Variants in CACNA2D3 observed in about 807,000 individuals in gnomAD.
CACNA2D3 encodes calcium voltage-gated channel auxiliary subunit alpha2delta 3.
A neutral mutation model predicts 160.6 loss-of-function variants in CACNA2D3; 60 were observed. The observed-to-expected ratio is 0.37, with a 90% CI of 0.30 to 0.46. CACNA2D3 has a LOEUF of 0.46. Ranked by LOEUF, CACNA2D3 falls within the 20% of genes least tolerant of loss-of-function variation. CACNA2D3 has a pLI of 1.00. For synonymous variants in CACNA2D3, 558 were observed against 492.9 expected (o/e 1.13, Z -1.75); for missense variants, 1,205 against 1,365.0 (o/e 0.88, Z 1.85).
chr3:54,287,530 T>C (rs1448790141), intron 2 of CACNA2D3, among the ~76,000 whole-genome samples: 20 of 148,480 alleles, frequency 1.3e-4, no homozygotes, highest in East Asian at 4.0e-4. Context: ...GACAGAAAGT[T>C]AACAAGGATA....
At chr3:54,627,330 G>T (rs1234918588) in intron 9 of CACNA2D3, among the ~76,000 whole-genome samples, 1 of 152,200 alleles carries the variant, frequency 6.6e-6, no homozygotes, top group Non-Finnish European at 1.5e-5. Flanking sequence ...ACGTCATGCG[G>T]TGGGAAGAGG....
chr3:54,644,425 C>A (rs1699592050), intron 11 of CACNA2D3, among the ~76,000 whole-genome samples: 1 of 152,188 alleles, frequency 6.6e-6, no homozygotes, highest in African/African-American at 2.4e-5. Flanking sequence ...CATATACATT[C>A]TCTTCTTTAT....
At chr3:54,469,965 T>A (rs1700700340) in intron 4 of CACNA2D3, among the ~76,000 whole-genome samples, 1 of 152,130 alleles carries the variant, frequency 6.6e-6, no homozygotes, top group Non-Finnish European at 1.5e-5. Flanking sequence ...CTGATGTACC[T>A]GAAAGTGATG....
At chr3:54,558,492 A>AT (rs1491552956) in intron 5 of CACNA2D3, among the ~76,000 whole-genome samples, 6 of 151,866 alleles carry the variant, frequency 4.0e-5, no homozygotes, top group African/African-American at 1.5e-4. Context: ...TGCATGTCAC[A>AT]TGTGTACAGA....
At chr3:54,123,310 C>G (rs1396025851) in intron 1 of CACNA2D3, among the ~76,000 whole-genome samples, 1 of 151,902 alleles carries the variant, frequency 6.6e-6, no homozygotes, top group Non-Finnish European at 1.5e-5. Context: ...TCCGCGACCC[C>G]CCTCGGGCCC....
chr3:54,659,754 A>G (rs1391049413), intron 11 of CACNA2D3, among the ~76,000 whole-genome samples: 1 of 152,212 alleles, frequency 6.6e-6, no homozygotes, highest in Non-Finnish European at 1.5e-5. Flanking sequence ...TACGTAAAGC[A>G]GTGGTGATGA....
At chr3:55,016,847 C>T (rs770118983) in intron 34 of CACNA2D3, among the ~76,000 whole-genome samples, 1 of 152,162 alleles carries the variant, frequency 6.6e-6, no homozygotes, top group Non-Finnish European at 1.5e-5. Flanking sequence ...GAAAAGCCTA[C>T]ATATAAGAAA....
Position 54,982,853 on chromosome 3 carries a change from G to A in CACNA2D3, c.2557-1755G>A, listed in dbSNP as rs73067767. Among the ~76,000 whole-genome samples, 1,070 of 152,098 alleles carry A rather than the reference G, an allele frequency of 7.0e-3. 11 individuals carry two copies. The highest frequency in any genetic ancestry group is 8.8e-3 in the Non-Finnish European group (598 of 68,004). On this transcript the variant is annotated intron_variant, in intron 29 of 37. Coordinates refer to ENST00000474759, the MANE Select transcript of CACNA2D3 (RefSeq NM_018398.3). ...TTGGTGGGAGTATAGCAGTGAAGACGACCAGAGGTCACACTCATCGCCACT... is the reference window on the plus strand; with the variant it reads ...TTGGTGGGAGTATAGCAGTGAAGACAACCAGAGGTCACACTCATCGCCACT...
intron 3 of CACNA2D3, among the ~76,000 whole-genome samples, chr3:54,351,908 C>G (rs376362565): frequency 6.6e-6 from 1 of 151,490 alleles, no homozygotes; most frequent in East Asian, 1.9e-4. Context: ...TCAGATTCAT[C>G]TAAACCCATG....
intron 11 of CACNA2D3, among the ~76,000 whole-genome samples, chr3:54,715,965 G>A (rs545268208): frequency 3.2e-4 from 48 of 151,898 alleles, no homozygotes; most frequent in Non-Finnish European, 5.7e-4. Flanking sequence ...ATAAGTTCTG[G>A]GTATCTAATA....
At chr3:55,050,101 A>G (rs1704160783) in intron 35 of CACNA2D3, among the ~76,000 whole-genome samples, 1 of 151,752 alleles carries the variant, frequency 6.6e-6, no homozygotes, top group South Asian at 2.1e-4. Context: ...TAGTCCATTT[A>G]CATTTAAAGT....
chr3:54,166,850 G>T (rs1024130052), intron 2 of CACNA2D3, among the ~76,000 whole-genome samples: 1 of 152,140 alleles, frequency 6.6e-6, no homozygotes, highest in Admixed American at 6.5e-5. Context: ...GAAAAATTAT[G>T]ATGTATTTTT....
intron 2 of CACNA2D3, among the ~76,000 whole-genome samples, chr3:54,159,737 G>T (rs1327651053): frequency 1.3e-5 from 2 of 152,038 alleles, no homozygotes; most frequent in African/African-American, 4.8e-5. Flanking sequence ...TTGACCAATA[G>T]AATTTCCCTC....
chr3:54,538,486 C>T (rs1000955571), intron 5 of CACNA2D3, among the ~76,000 whole-genome samples: 1 of 152,148 alleles, frequency 6.6e-6, no homozygotes, highest in Non-Finnish European at 1.5e-5. Flanking sequence ...CAGAGAGCAC[C>T]CTTGCCCCTT....
intron 10 of CACNA2D3, chr3:54,639,872 G>A (rs1202140999): frequency 2.6e-5 from 4 of 152,562 alleles, no homozygotes; most frequent in Non-Finnish European, 5.8e-5. Context: ...GGAGATAAGG[G>A]TGGGGCCGTT....
chr3:54,136,033 C>A (rs533557967), intron 2 of CACNA2D3, among the ~76,000 whole-genome samples: 1 of 152,316 alleles, frequency 6.6e-6, no homozygotes, highest in Non-Finnish European at 1.5e-5. Context: ...TGTCCCATGC[C>A]TTTCAAAGCT....
chr3:54,848,881 GC>G (rs1698992951), intron 17 of CACNA2D3, among the ~76,000 whole-genome samples: 1 of 152,210 alleles, frequency 6.6e-6, no homozygotes. Flanking sequence ...GATAATGCAA[GC>G]AAAGGACCTG....
At chr3:54,957,810 G>A (rs1378136507) in intron 27 of CACNA2D3, among the ~76,000 whole-genome samples, 2 of 152,134 alleles carry the variant, frequency 1.3e-5, no homozygotes, top group African/African-American at 4.8e-5. Flanking sequence ...CCCCTACACA[G>A]TCCCCCAGAC....
intron 27 of CACNA2D3, among the ~76,000 whole-genome samples, chr3:54,939,414 T>C (rs1000891952): frequency 6.6e-6 from 1 of 152,218 alleles, no homozygotes; most frequent in African/African-American, 2.4e-5. Flanking sequence ...CATCTTATTC[T>C]TCCCAGTCCC....
Sources: allele counts gnomAD v4.1 joint callset (sites outside exome capture counted in the v4.1 genomes callset), GRCh38; gene constraint gnomAD v4.1.1; transcripts MANE v1.5; gene names NCBI Gene and HGNC (gene_info 2026-07-23, HGNC 2026-07-21).